The following YEATS2 variants were observed in gnomAD, a reference collection of about 807,000 sequenced individuals.
YEATS2 encodes YEATS domain containing 2, also known as YEATS domain-containing protein 2.
YEATS2 carries 77 observed loss-of-function variants against 163.2 expected under a neutral mutation model. The ratio of observed to expected loss-of-function variants is 0.47; its 90% CI spans 0.39 to 0.57. YEATS2 has a LOEUF of 0.57. Among genes scored for constraint, YEATS2 ranks in the 20% least tolerant of loss-of-function variants. The probability of loss-of-function intolerance (pLI) is 0.00; values close to 1 mark genes in which losing one functional copy is unlikely to be tolerated. For synonymous variants in YEATS2, 631 were observed against 645.1 expected, an observed-to-expected ratio of 0.98 and a Z score of 0.33; for missense variants, 1,549 against 1,729.8, an observed-to-expected ratio of 0.90 and a Z score of 1.85.
chr3:183,780,666 A>G (rs1036667313), intron 19 of YEATS2, among the ~76,000 whole-genome samples: 4 of 152,244 alleles, frequency 2.6e-5, no homozygotes, highest in African/African-American at 9.6e-5. Context: ...CATAAAGTGC[A>G]AAGACTATTA....
chr3:183,777,455 G>A, intron 18 of YEATS2, 87 bp from the exon 19 acceptor site: 4 of 1,371,072 alleles, frequency 2.9e-6, no homozygotes, highest in Non-Finnish European at 4.0e-6. Context: ...TGTAACATGG[G>A]ACGTTACATG....
chr3:183,728,926 T>G, intron 7 of YEATS2, 75 bp downstream of exon 7: 1 of 1,410,858 alleles, frequency 7.1e-7, no homozygotes, highest in Non-Finnish European at 9.7e-7. Context: ...GTGATTTAAC[T>G]TCAAAACATT....
chr3:183,741,481 C>T (rs1277283675), intron 8 of YEATS2, among the ~76,000 whole-genome samples: 1 of 152,090 alleles, frequency 6.6e-6, no homozygotes, highest in African/African-American at 2.4e-5. Context: ...CACCTGGTCA[C>T]TTAAGAGCTC....
intron 15 of YEATS2, among the ~76,000 whole-genome samples, chr3:183,762,816 C>T (rs977307252): frequency 2.0e-5 from 3 of 152,000 alleles, no homozygotes; most frequent in African/African-American, 7.2e-5. Flanking sequence ...CTTTAGGAGG[C>T]TGAGGCGGGC....
chr3:183,806,705 A>T, intron 27 of YEATS2, 161 bp from the exon 28 acceptor site: 1 of 677,822 alleles, frequency 1.5e-6, no homozygotes, highest in Non-Finnish European at 2.5e-6. Context: ...CTCGTGAATT[A>T]CTAGTTCTCA....
chr3:183,774,409 T>C (rs1390823716), intron 17 of YEATS2, among the ~76,000 whole-genome samples: 1 of 152,084 alleles, frequency 6.6e-6, no homozygotes, highest in Non-Finnish European at 1.5e-5. Context: ...GAACAATTTC[T>C]TCCCCAAACC....
At chr3:183,734,380 C>T (rs1718121705) in intron 7 of YEATS2, among the ~76,000 whole-genome samples, 1 of 152,118 alleles carries the variant, frequency 6.6e-6, no homozygotes, top group African/African-American at 2.4e-5. Context: ...GTTGTTCAGC[C>T]TCACTGTGTC....
chr3:183,698,822 A>C (rs1246862853), intron 1 of YEATS2, among the ~76,000 whole-genome samples: 2 of 152,140 alleles, frequency 1.3e-5, no homozygotes, highest in Non-Finnish European at 2.9e-5. Context: ...TTTCTTAATG[A>C]GTAGAGGGTA....
intron 28 of YEATS2, chr3:183,807,389 C>T (rs1309100978): frequency 8.4e-6 from 3 of 355,338 alleles, no homozygotes; most frequent in Non-Finnish European, 1.6e-5. Flanking sequence ...TGGTTGATTA[C>T]TCTTCATCTT....
intron 1 of YEATS2, among the ~76,000 whole-genome samples, chr3:183,706,677 G>A (rs969338225): frequency 2.0e-5 from 3 of 152,298 alleles, no homozygotes; most frequent in Admixed American, 1.3e-4. Flanking sequence ...TTAGCCCGGC[G>A]CGGTGGCGCA....
intron 13 of YEATS2, 80 bp downstream of exon 13, chr3:183,759,045 T>C: frequency 2.0e-6 from 2 of 986,098 alleles, no homozygotes; most frequent in Non-Finnish European, 2.9e-6. Context: ...CAAATGGAGA[T>C]GGGGTCTCCC....
At chr3:183,729,701 C>T (rs1717513090) in intron 7 of YEATS2, among the ~76,000 whole-genome samples, 1 of 150,710 alleles carries the variant, frequency 6.6e-6, no homozygotes, top group South Asian at 2.1e-4. Context: ...GACGGAGTTT[C>T]ACTCTTGTCA....
At chr3:183,717,285 C>G (rs747268186) in intron 2 of YEATS2, among the ~76,000 whole-genome samples, 1 of 152,208 alleles carries the variant, frequency 6.6e-6, no homozygotes, top group Non-Finnish European at 1.5e-5. Context: ...TAGTCTCTCT[C>G]AGTCTCCTCA....
intron 27 of YEATS2, among the ~76,000 whole-genome samples, chr3:183,805,580 A>C (rs772038837): frequency 7.2e-5 from 11 of 151,978 alleles, no homozygotes; most frequent in African/African-American, 2.7e-4. Context: ...TTTGAGCCCA[A>C]GAGTTCAAGA....
Position 183,724,507 on chromosome 3 carries a change from C to G in YEATS2, c.626C>G (p.Thr209Arg), listed in dbSNP as rs1427259490. 1.9e-6 allele frequency: 3 copies of G among 1,612,448 alleles called. No homozygotes were observed. Among genetic ancestry groups the G allele is most frequent in the Non-Finnish European group, 2.5e-6 (3 of 1,178,948 alleles). ...ACTTCACGACTTTTTGTAAAGAAAACAATAGTAGTGGGCAATGTGTCCAAG... is the reference window on the plus strand; with the variant it reads ...ACTTCACGACTTTTTGTAAAGAAAAGAATAGTAGTGGGCAATGTGTCCAAG... ...DETSRLFVKK[T>R]IVVGNVSKYI... is the part of the protein sequence containing the mutation. The change falls in exon 6 of 31, where the codon ACA becomes AGA. Residue 209 changes from threonine to arginine, a missense_variant. Coordinates refer to ENST00000305135, the MANE Select transcript of YEATS2 (RefSeq NM_018023.5).
chr3:183,805,804 G>T (rs1284924267), intron 27 of YEATS2, among the ~76,000 whole-genome samples: 1 of 151,892 alleles, frequency 6.6e-6, no homozygotes, highest in South Asian at 2.1e-4. Flanking sequence ...AAAAGGGGGG[G>T]CAAGTCCCAG....
chr3:183,807,487 C>T (rs1345484577), intron 28 of YEATS2: 3 of 272,036 alleles, frequency 1.1e-5, no homozygotes, highest in South Asian at 8.2e-5. Flanking sequence ...CGTAATCCTC[C>T]CCTGATGTGT....
chr3:183,778,119 A>AAAAAAAAAAG (rs1383804485), intron 19 of YEATS2, among the ~76,000 whole-genome samples: 1 of 148,840 alleles, frequency 6.7e-6, no homozygotes, highest in African/African-American at 2.6e-5. Context: ...CTCAAAAAAA[A>AAAAAAAAAAG]AAAAAAAAAG....
chr3:183,785,969 G>C (rs1366376954), intron 19 of YEATS2, among the ~76,000 whole-genome samples, 156 bp from the exon 20 acceptor site: 2 of 152,198 alleles, frequency 1.3e-5, no homozygotes, highest in African/African-American at 4.8e-5. Flanking sequence ...TTTGGAGCTT[G>C]TTAGAAAGGT....
Sources: allele counts gnomAD v4.1 joint callset (sites outside exome capture counted in the v4.1 genomes callset), GRCh38; gene constraint gnomAD v4.1.1; transcripts MANE v1.5; gene names NCBI Gene and HGNC (gene_info 2026-07-23, HGNC 2026-07-21).